Variants in UBE2E3 observed in about 807,000 individuals in gnomAD.
The protein encoded by UBE2E3 is ubiquitin-conjugating enzyme E2 E3.
A neutral mutation model predicts 23.6 loss-of-function variants in UBE2E3; 5 were observed. That is an observed-to-expected ratio of 0.21 (90% CI 0.11 to 0.44). The LOEUF (loss-of-function observed/expected upper bound fraction) is 0.44. Ranked by LOEUF, UBE2E3 falls within the 20% of genes least tolerant of loss-of-function variation. The pLI, the probability that UBE2E3 is intolerant of heterozygous loss-of-function variation, is 0.99. For synonymous variants in UBE2E3, 78 were observed against 87.5 expected (o/e 0.89, Z 0.60); for missense variants, 81 against 249.8 (o/e 0.32, Z 4.55).
At chr2:180,987,631 C>T (rs1013131543) in intron 3 of UBE2E3, among the ~76,000 whole-genome samples, 4 of 151,966 alleles carry the variant, frequency 2.6e-5, no homozygotes, top group African/African-American at 4.8e-5. Context: ...CAGGTGATTT[C>T]GTTGACTTTC....
chr2:181,039,090 T>G (rs1429446316), intron 3 of UBE2E3, among the ~76,000 whole-genome samples: 1 of 151,780 alleles, frequency 6.6e-6, no homozygotes, highest in African/African-American at 2.4e-5. Flanking sequence ...ATGGTATGTT[T>G]AAGTCCTAAC....
At chr2:181,040,260 C>T (rs1686444939) in intron 3 of UBE2E3, among the ~76,000 whole-genome samples, 1 of 152,220 alleles carries the variant, frequency 6.6e-6, no homozygotes, top group African/African-American at 2.4e-5. Context: ...TTGATACATC[C>T]TTCTTCGTCC....
At chr2:181,056,081 T>TAAAAA (rs58442227) in intron 3 of UBE2E3, among the ~76,000 whole-genome samples, 1 of 135,678 alleles carries the variant, frequency 7.4e-6, no homozygotes, top group Non-Finnish European at 1.6e-5. Flanking sequence ...AGGAAATGCT[T>TAAAAA]AAAAAAAAAA....
intron 3 of UBE2E3, among the ~76,000 whole-genome samples, chr2:180,994,087 CATTTT>C (rs1451225004): frequency 6.6e-6 from 1 of 152,108 alleles, no homozygotes; most frequent in African/African-American, 2.4e-5. Flanking sequence ...AATTTTTCTT[CATTTT>C]ATGTTTACAC....
chr2:181,041,234 C>CAAAAAAAAAAAAAAAAAAAAAAAAAAAAA (rs1206207155), intron 3 of UBE2E3, among the ~76,000 whole-genome samples: 1 of 77,196 alleles, frequency 1.3e-5, no homozygotes, highest in Non-Finnish European at 2.4e-5. Context: ...GACTCCGTCT[C>CAAAAAAAAAAAAAAAAAAAAAAAAAAAAA]AAAAAAAAAA....
Position 181,060,729 on chromosome 2 carries a change from T to C in UBE2E3, c.443T>C (p.Ile148Thr). 6.2e-7 allele frequency: 1 copy of C among 1,611,460 alleles called. No homozygotes were observed. The stretch of plus-strand genomic sequence containing the variant: ...AGTCAGGGAGTCATCTGTCTGGACA[T>C]CCTTAAAGACAACTGGAGTCCCGCT... ...INSQGVICLD[I>T]LKDNWSPALT... The change falls in exon 5 of 6, where the codon ATC becomes ACC. Residue 148 changes from isoleucine to threonine, a missense_variant. Coordinates refer to ENST00000410062, the MANE Select transcript of UBE2E3 (RefSeq NM_006357.4).
intron 3 of UBE2E3, among the ~76,000 whole-genome samples, chr2:181,007,398 C>A (rs1685185290): frequency 6.6e-6 from 1 of 152,124 alleles, no homozygotes; most frequent in African/African-American, 2.4e-5. Flanking sequence ...GATAATCAGA[C>A]CTTGTGAGTA....
chr2:181,003,151 T>C (rs775567994), intron 3 of UBE2E3, among the ~76,000 whole-genome samples: 5 of 152,216 alleles, frequency 3.3e-5, no homozygotes, highest in African/African-American at 4.8e-5. Context: ...GTGCCTTAAT[T>C]AGTATTCCCA....
intron 3 of UBE2E3, among the ~76,000 whole-genome samples, chr2:180,988,528 A>G (rs1193992077): frequency 6.6e-6 from 1 of 152,220 alleles, no homozygotes; most frequent in Non-Finnish European, 1.5e-5. Flanking sequence ...AGTAATGATT[A>G]TATTTTCCCC....
chr2:181,057,506 T>C (rs1050697739), intron 3 of UBE2E3, among the ~76,000 whole-genome samples, 187 bp from the exon 4 acceptor site: 8 of 151,796 alleles, frequency 5.3e-5, no homozygotes, highest in African/African-American at 1.9e-4. Flanking sequence ...TCTGTAAGTT[T>C]GTAATATTTC....
chr2:181,057,284 A>AT (rs1687015152), intron 3 of UBE2E3, among the ~76,000 whole-genome samples: 1 of 151,818 alleles, frequency 6.6e-6, no homozygotes, highest in Middle Eastern at 3.4e-3. Context: ...TTTATAGGAG[A>AT]TTGTTTTTAG....
At position 180,980,856 on chromosome 2, in the gene UBE2E3, T is replaced by A. The variant is rs1243470889; in HGVS notation, c.-143T>A. On this transcript the variant is annotated 5_prime_UTR_variant, in exon 1 of 6. Transcript: ENST00000410062. The surrounding 1 kb of genome is among the most constrained non-coding windows in gnomAD (Gnocchi z 5.5). ...GGCCAGAGCCTCCTCGGCTTCTTTT[T>A]TTCCCTCCCCCCCCTTCCCCCCCCC... 2 of 149,072 alleles carry A rather than the reference T, an allele frequency of 1.3e-5. No homozygotes were observed. Among genetic ancestry groups the A allele is most frequent in the African/African-American group, 2.4e-5 (1 of 40,872 alleles). 9.2% of individuals were successfully genotyped at this position (149,072 alleles called of 1,614,324 possible).
chr2:181,056,881 G>GGTACAGGT (rs1383537656), intron 3 of UBE2E3, among the ~76,000 whole-genome samples: 3 of 151,746 alleles, frequency 2.0e-5, no homozygotes, highest in African/African-American at 4.8e-5. Context: ...TCACCAATGA[G>GGTACAGGT]GTACAGGTAG....
chr2:181,025,843 T>A (rs938064394), intron 3 of UBE2E3, among the ~76,000 whole-genome samples: 17 of 152,068 alleles, frequency 1.1e-4, no homozygotes, highest in African/African-American at 4.1e-4. Context: ...AGCCCTTTCT[T>A]TTTTGTTTTT....
chr2:181,055,216 T>C (rs183840443), intron 3 of UBE2E3, among the ~76,000 whole-genome samples: 83 of 151,648 alleles, frequency 5.5e-4, no homozygotes, highest in African/African-American at 1.9e-3. Flanking sequence ...ATGATTGAGA[T>C]GGAAACTCGA....
At chr2:180,996,244 C>T (rs914943691) in intron 3 of UBE2E3, among the ~76,000 whole-genome samples, 4 of 152,098 alleles carry the variant, frequency 2.6e-5, no homozygotes, top group African/African-American at 4.8e-5. Context: ...ATTTTGAAAA[C>T]TGAATACTTA....
At chr2:181,039,418 C>T (rs985937450) in intron 3 of UBE2E3, among the ~76,000 whole-genome samples, 9 of 151,922 alleles carry the variant, frequency 5.9e-5, no homozygotes, top group African/African-American at 1.7e-4. Context: ...GCTCCTGGAG[C>T]GGCTGGGAGG....
At chr2:180,983,182 A>G (rs555855865) in intron 2 of UBE2E3, among the ~76,000 whole-genome samples, 23 of 152,240 alleles carry the variant, frequency 1.5e-4, no homozygotes, top group Non-Finnish European at 3.1e-4. Context: ...ATAAAAACTG[A>G]TCAAATATTG....
At chr2:181,017,901 G>A (rs778429257) in intron 3 of UBE2E3, among the ~76,000 whole-genome samples, 5 of 150,802 alleles carry the variant, frequency 3.3e-5, no homozygotes, top group Non-Finnish European at 7.4e-5. Context: ...TTTGGTTAGA[G>A]GAATCCCAGC....
Sources: gnomAD v4.1 joint callset for allele counts (sites outside exome capture counted in the v4.1 genomes callset) on GRCh38, gnomAD v4.1.1 for gene constraint, Gnocchi (gnomAD v3.1) non-coding constraint, MANE v1.5 for transcripts, NCBI Gene and HGNC (gene_info 2026-07-23, HGNC 2026-07-21) for gene names.